Variants in EGFL7 observed in about 807,000 individuals in gnomAD.
The protein encoded by EGFL7 is epidermal growth factor-like protein 7.
Under a neutral mutation model 37.1 loss-of-function variants are expected in EGFL7, and 48 were observed. The ratio of observed to expected loss-of-function variants is 1.29; its 90% CI spans 1.03 to 1.65. The LOEUF (loss-of-function observed/expected upper bound fraction) is 1.65. Among genes scored for constraint, EGFL7 ranks in the 40% most tolerant of loss-of-function variants. The probability of loss-of-function intolerance (pLI) is 0.00; values close to 1 mark genes in which losing one functional copy is unlikely to be tolerated. For synonymous variants in EGFL7, 180 were observed against 156.8 expected (o/e 1.15, Z -1.10); for missense variants, 384 against 378.9 (o/e 1.01, Z -0.11).
intron 3 of EGFL7, among the ~76,000 whole-genome samples, chr9:136,667,939 C>G (rs75805957): frequency 6.6e-6 from 1 of 152,164 alleles, no homozygotes; most frequent in African/African-American, 2.4e-5. Flanking sequence ...CTGGAGCCAT[C>G]CTTCCCGGAG....
intron 5 of EGFL7, among the ~76,000 whole-genome samples, chr9:136,669,395 C>A (rs1006913884): frequency 6.6e-6 from 1 of 152,190 alleles, no homozygotes; most frequent in Admixed American, 6.5e-5. Context: ...TGTGGCTGGG[C>A]CTTCCTGCTG....
In EGFL7 at chr9:136,672,436, C is replaced by T. The variant is rs574628370; in HGVS notation, c.*150C>T. On this transcript the variant is annotated 3_prime_UTR_variant, in exon 11 of 11. Coordinates refer to ENST00000308874, the MANE Select transcript of EGFL7 (RefSeq NM_016215.5). Reference sequence around the variant, plus strand: ...TCCTCCTCTTCCTCCTCCCCTTCCTCGGGAGGCTCCCCAGACCCTGGCATG... The same window carrying T: ...TCCTCCTCTTCCTCCTCCCCTTCCTTGGGAGGCTCCCCAGACCCTGGCATG... 2.4e-5 allele frequency: 22 copies of T among 918,586 alleles called. No homozygotes were observed. Among genetic ancestry groups the T allele is most frequent in the African/African-American group, 1.8e-4 (11 of 60,234 alleles). 56.9% of individuals were successfully genotyped at this position (918,586 alleles called of 1,614,324 possible). A position where few individuals can be genotyped will look rare whatever the true frequency, so the allele number is the denominator to read the frequency against.
chr9:136,667,685 T>C (rs560354342), intron 3 of EGFL7, among the ~76,000 whole-genome samples: 1 of 152,184 alleles, frequency 6.6e-6, no homozygotes, highest in Admixed American at 6.5e-5. Context: ...GGTCTTAGAA[T>C]GTGTGCACCC....
At chr9:136,659,037 G>A (rs1452010140), upstream of EGFL7, 2 of 152,164 alleles carry the variant, frequency 1.3e-5, no homozygotes, top group Non-Finnish European at 2.9e-5. Flanking sequence ...CTGGGCCTCC[G>A]TTTTCCACCC....
chr9:136,665,544 C>G (rs962584655), intron 3 of EGFL7, among the ~76,000 whole-genome samples: 3 of 152,194 alleles, frequency 2.0e-5, no homozygotes, highest in Admixed American at 6.5e-5. Flanking sequence ...AGCGCCCTGC[C>G]GCGGGGACTC....
chr9:136,669,942 A>T lies in EGFL7; in HGVS notation c.342A>T (p.Gly114=). ...TATGCCAGCCGCCATGCCGGAACGG[A>T]GGGAGCTGTGTCCAGCCTGGCCGCT... ...AAICQPPCRN[G]GSCVQPGRCR... Residue 114 remains glycine, a synonymous_variant, in exon 7 of 11, where the codon GGA becomes GGT. Transcript: ENST00000308874. 6.2e-7 allele frequency: 1 copy of T among 1,606,030 alleles called. No homozygotes were observed. Among genetic ancestry groups the T allele is most frequent in the Non-Finnish European group, 8.5e-7 (1 of 1,176,968 alleles).
upstream of EGFL7, among the ~76,000 whole-genome samples, chr9:136,662,563 C>T (rs1845213863): frequency 6.6e-6 from 1 of 152,198 alleles, no homozygotes; most frequent in African/African-American, 2.4e-5. Flanking sequence ...TGCAGCAGCT[C>T]CCTTCTGTCC....
rs781028040 is a variant in EGFL7, at chr9:136,669,590, C to A, written c.198-16C>A. ...GGAGTAGGATGCCCCTCTGAGCTGT[C>A]CCACCCACCCCACAGAACCATCTAT... On this transcript the variant is annotated splice_polypyrimidine_tract_variant and intron_variant, in intron 5 of 10. Transcript: ENST00000308874. 6.8e-5 allele frequency: 108 copies of A among 1,595,124 alleles called. No homozygotes were observed. Among genetic ancestry groups the A allele is most frequent in the Admixed American group, 3.4e-4 (20 of 59,320 alleles).
rs1253908271 is a variant in EGFL7 at position 136,666,154 on chromosome 9, C to G, written c.-43+1369C>G. Among the ~76,000 whole-genome samples, 3 of 149,942 alleles carry G rather than the reference C, an allele frequency of 2.0e-5. No individual in the cohort carries two copies. In the East Asian group the frequency reaches 5.8e-4, roughly 29 times the overall value. ...CGCGACTCAGCGCCTCGGGGCCCAGCCTGTGCCGCCTGCTCCGCCCCCCGC... is the reference window on the plus strand; with the variant it reads ...CGCGACTCAGCGCCTCGGGGCCCAGGCTGTGCCGCCTGCTCCGCCCCCCGC... On this transcript the variant is annotated intron_variant, in intron 3 of 10. Coordinates refer to ENST00000308874, the MANE Select transcript of EGFL7 (RefSeq NM_016215.5). This position sits in a 1 kb window ranked among gnomAD's most constrained non-coding sequence, Gnocchi z 6.8.
rs1392273872 is a variant in EGFL7 at position 136,666,693 on chromosome 9, G to A, written c.-42-1548G>A. ...GGGAGATTCGCCTACCCCCAGGCCC[G>A]CCCTGGCATCCCCCTGCCCACATCA... On this transcript the variant is annotated intron_variant, in intron 3 of 10. Coordinates refer to ENST00000308874, the MANE Select transcript of EGFL7 (RefSeq NM_016215.5). The surrounding 1 kb of genome is among the most constrained non-coding windows in gnomAD (Gnocchi z 6.8). 6.6e-6 allele frequency among the ~76,000 whole-genome samples: 1 copy of A among 152,042 alleles called. No individual in the cohort carries two copies. The highest frequency in any genetic ancestry group is 1.9e-4 in the East Asian group (1 of 5,186).
At chr9:136,659,000 C>A (rs1027926170), upstream of EGFL7, 2 of 152,200 alleles carry the variant, frequency 1.3e-5, no homozygotes, top group Non-Finnish European at 2.9e-5. Context: ...GGGCGACCCC[C>A]GAGGCTCAGG....
rs1368678344 is a variant in EGFL7 at position 136,672,663 on chromosome 9, T to A, written c.*377T>A. On this transcript the variant is annotated 3_prime_UTR_variant, in exon 11 of 11. Transcript: ENST00000308874. ...GGCTGCTGCCTGACCCCCAGCACAATAAAAATGAAACGTGAGCTGCTGTGT... is the reference window on the plus strand; with the variant it reads ...GGCTGCTGCCTGACCCCCAGCACAAAAAAAATGAAACGTGAGCTGCTGTGT... 2.6e-5 allele frequency: 9 copies of A among 342,444 alleles called. No homozygotes were observed. Among genetic ancestry groups the A allele is most frequent in the Non-Finnish European group, 4.3e-5 (8 of 184,800 alleles). 21.2% of individuals were successfully genotyped at this position (342,444 alleles called of 1,614,324 possible).
At chr9:136,659,867 G>C (rs889904773), upstream of EGFL7, among the ~76,000 whole-genome samples, 3 of 152,218 alleles carry the variant, frequency 2.0e-5, no homozygotes, top group Non-Finnish European at 4.4e-5. Context: ...ATGAGGACAG[G>C]CGCAGGCCTT....
At chr9:136,662,259 A>G (rs1449285613), upstream of EGFL7, among the ~76,000 whole-genome samples, 1 of 152,202 alleles carries the variant, frequency 6.6e-6, no homozygotes, top group Non-Finnish European at 1.5e-5. Flanking sequence ...AGGGGCTCAC[A>G]GCCTCACTGG....
At chr9:136,671,899 A>G in intron 9 of EGFL7, 27 bp from the exon 10 acceptor site, 1 of 1,470,536 alleles carries the variant, frequency 6.8e-7, no homozygotes, top group Non-Finnish European at 9.0e-7. Flanking sequence ...GGGCCGGCCC[A>G]GGGTCACTGC....
intron 6 of EGFL7, 62 bp downstream of exon 6, chr9:136,669,783 A>G (rs1263510774): frequency 6.8e-7 from 1 of 1,465,214 alleles, no homozygotes; most frequent in African/African-American, 1.4e-5. Context: ...ATCTTCCAGC[A>G]ACGCTCCTGC....
intron 6 of EGFL7, 33 bp from the exon 7 acceptor site, chr9:136,669,881 A>C: frequency 6.5e-7 from 1 of 1,548,994 alleles, no homozygotes; most frequent in Non-Finnish European, 8.7e-7. Context: ...TGGGGACCCA[A>C]CTGAGCTGGT....
Position 136,666,457 on chromosome 9 carries a change from C to T in EGFL7, c.-43+1672C>T, listed in dbSNP as rs1314194267. On this transcript the variant is annotated intron_variant, in intron 3 of 10. Coordinates refer to ENST00000308874, the MANE Select transcript of EGFL7 (RefSeq NM_016215.5). This position sits in a 1 kb window ranked among gnomAD's most constrained non-coding sequence, Gnocchi z 6.8. ...GTCCACCTGGCGCCGCCGCCCCCTC[C>T]CCGCCCGGCACCCCTGGGTCGAGGC... is the stretch of plus-strand genomic sequence containing the variant. Among the ~76,000 whole-genome samples the T allele has an allele frequency of 6.6e-6, 1 of 152,106 alleles. No homozygotes were observed. The highest frequency in any genetic ancestry group is 1.5e-5 in the Non-Finnish European group (1 of 67,980).
Position 136,670,970 on chromosome 9 carries a change from G to C in EGFL7, c.592G>C (p.Glu198Gln), listed in dbSNP as rs1276185773. 3.9e-6 allele frequency: 6 copies of C among 1,529,332 alleles called. No individual in the cohort carries two copies. The highest frequency in any genetic ancestry group is 1.4e-5 in the African/African-American group (1 of 69,410). 94.7% of individuals were successfully genotyped at this position (1,529,332 alleles called of 1,614,324 possible). ...CGCAGGAGTGGACAGTGCAATGAAG[G>C]AAGAAGTGCAGAGGCTGCAGTCCAG... ...NPTGVDSAMK[E>Q]EVQRLQSRVD... Residue 198 changes from glutamate (E) to glutamine (Q), a missense_variant, in exon 9 of 11, where the codon GAA becomes CAA. Transcript: ENST00000308874.
Sources: gnomAD v4.1 joint callset for allele counts (sites outside exome capture counted in the v4.1 genomes callset) on GRCh38, gnomAD v4.1.1 for gene constraint, Gnocchi (gnomAD v3.1) non-coding constraint, MANE v1.5 for transcripts, NCBI Gene and HGNC (gene_info 2026-07-23, HGNC 2026-07-21) for gene names.